The following PPFIA4 variants were observed in gnomAD, a reference collection of about 807,000 sequenced individuals.
The protein encoded by PPFIA4 is PPFI scaffold protein A4, also known as liprin-alpha-4.
PPFIA4 carries 98 observed loss-of-function variants against 145.7 expected under a neutral mutation model. The observed-to-expected ratio is 0.67, with a 90% CI of 0.57 to 0.80. The LOEUF (loss-of-function observed/expected upper bound fraction) is 0.80. PPFIA4 is among the 30% of genes least tolerant of loss of function. The pLI, the probability that PPFIA4 is intolerant of heterozygous loss-of-function variation, is 0.00. For synonymous variants in PPFIA4, 628 were observed against 649.6 expected (o/e 0.97, Z 0.51); for missense variants, 1,457 against 1,632.7 (o/e 0.89, Z 1.85).
intron 2 of PPFIA4, among the ~76,000 whole-genome samples, chr1:203,041,824 G>A (rs1334126979): frequency 1.3e-5 from 2 of 152,220 alleles, no homozygotes; most frequent in African/African-American, 2.4e-5. Flanking sequence ...ACATGACTGT[G>A]TGTGCCTGTG....
intron 19 of PPFIA4, among the ~76,000 whole-genome samples, chr1:203,058,505 C>G (rs1661131926): frequency 6.6e-6 from 1 of 152,182 alleles, no homozygotes; most frequent in Admixed American, 6.5e-5. Context: ...TTTCGATGCT[C>G]TCCACACACG....
intron 1 of PPFIA4, among the ~76,000 whole-genome samples, chr1:203,028,604 G>A (rs1658592918): frequency 6.6e-6 from 1 of 152,112 alleles, no homozygotes; most frequent in Non-Finnish European, 1.5e-5. Flanking sequence ...TAGGTGAGTT[G>A]CTGTAGAAAC....
chr1:203,071,625 A>C (rs778289830), intron 27 of PPFIA4, 67 bp from the exon 28 acceptor site: 1 of 1,291,178 alleles, frequency 7.7e-7, no homozygotes, highest in Non-Finnish European at 1.1e-6. Context: ...AAAATGGTGA[A>C]AGATGGCATA....
intron 17 of PPFIA4, 81 bp downstream of exon 17, chr1:203,056,236 C>T (rs1346018854): frequency 6.2e-7 from 1 of 1,606,716 alleles, no homozygotes; most frequent in Non-Finnish European, 8.5e-7. Context: ...CCCCAGGGCC[C>T]TTGAGTCTGA....
chr1:203,038,993 C>G lies in PPFIA4; in HGVS notation c.-16C>G. 1.4e-6 allele frequency: 2 copies of G among 1,412,146 alleles called. No homozygotes were observed. The highest frequency in any genetic ancestry group is 1.9e-6 in the Non-Finnish European group (2 of 1,041,698). 87.5% of individuals were successfully genotyped at this position (1,412,146 alleles called of 1,614,324 possible). On this transcript the variant is annotated 5_prime_UTR_variant, in exon 2 of 30. Coordinates refer to ENST00000295706, the MANE Select transcript of PPFIA4 (RefSeq NM_001304331.2). ...CCCTGTCCCCTGACGCTGAGAAGGC[C>G]CTGCCAACCCCCACCATGTGTGAGG...
rs3737880 is a variant in PPFIA4 at position 203,077,547 on chromosome 1, G to C, written c.*1157G>C. ...ATGTCCCAGGTCCAGGAAATCCAAT[G>C]TTGGTGAAGGCAGCCACTCTCTTGC... On this transcript the variant is annotated 3_prime_UTR_variant, in exon 30 of 30. Coordinates refer to ENST00000295706, the MANE Select transcript of PPFIA4 (RefSeq NM_001304331.2). 0.13 allele frequency: 19,997 copies of C among 152,160 alleles called. 1,689 individuals are homozygous for C. The highest frequency in any genetic ancestry group is 0.26 in the Middle Eastern group (76 of 294). The allele number at this position is 152,160 out of a possible 1,614,324, so 9.4% of individuals were successfully genotyped here.
chr1:203,058,768 G>C (rs1661153162), intron 19 of PPFIA4, among the ~76,000 whole-genome samples: 1 of 152,196 alleles, frequency 6.6e-6, no homozygotes, highest in Non-Finnish European at 1.5e-5. Context: ...ACAGCTCTCA[G>C]TGTGTGGATT....
intron 15 of PPFIA4, among the ~76,000 whole-genome samples, chr1:203,054,671 GACACACACACACACAC>G (rs57027876): frequency 6.7e-6 from 1 of 148,308 alleles, no homozygotes; most frequent in African/African-American, 2.5e-5. Context: ...TTACAAAGAA[GACACACACACACACAC>G]ACACACACAC....
chr1:203,049,792 A>G (rs775439258), intron 13 of PPFIA4, 25 bp downstream of exon 13: 11 of 1,516,078 alleles, frequency 7.3e-6, no homozygotes, highest in South Asian at 5.2e-5. Context: ...GAGGCTGGGC[A>G]TGCCAGGACG....
At chr1:203,032,886 A>G (rs1315828994) in intron 1 of PPFIA4, among the ~76,000 whole-genome samples, 3 of 152,072 alleles carry the variant, frequency 2.0e-5, no homozygotes, top group African/African-American at 4.8e-5. Flanking sequence ...CAAGAGGATC[A>G]TGGTTTAGAC....
At position 203,060,179 on chromosome 1, in the gene PPFIA4, C is replaced by T; in HGVS notation, c.2584-38C>T. 6.2e-7 allele frequency: 1 copy of T among 1,604,488 alleles called. No homozygotes were observed. Among genetic ancestry groups the T allele is most frequent in the Non-Finnish European group, 8.5e-7 (1 of 1,174,902 alleles). ...TTGCCAAACTCTTGGTGGTAGGGCCCAGGCCTTGAATTACCTCCCTGTGCC... is the reference window on the plus strand; with the variant it reads ...TTGCCAAACTCTTGGTGGTAGGGCCTAGGCCTTGAATTACCTCCCTGTGCC... On this transcript the variant is annotated intron_variant, in intron 21 of 29. Coordinates refer to ENST00000295706, the MANE Select transcript of PPFIA4 (RefSeq NM_001304331.2). This position sits in a 1 kb window ranked among gnomAD's most constrained non-coding sequence, Gnocchi z 4.8.
At chr1:203,053,176 C>G (rs1397760343) in intron 14 of PPFIA4, among the ~76,000 whole-genome samples, 1 of 152,230 alleles carries the variant, frequency 6.6e-6, no homozygotes, top group Non-Finnish European at 1.5e-5. Context: ...AAAGCCGTCT[C>G]TCTCTGGATT....
chr1:203,072,645 GT>G (rs768591514), intron 28 of PPFIA4, among the ~76,000 whole-genome samples: 7 of 152,296 alleles, frequency 4.6e-5, no homozygotes, highest in Non-Finnish European at 1.0e-4. Context: ...CCCAGAGTGT[GT>G]GTGTTTTTCG....
At chr1:203,054,711 C>CAG (rs368481154) in intron 15 of PPFIA4, among the ~76,000 whole-genome samples, 17 of 151,246 alleles carry the variant, frequency 1.1e-4, no homozygotes, top group Admixed American at 3.9e-4. Context: ...CATACACACA[C>CAG]AGAGAGAGAG....
intron 23 of PPFIA4, 187 bp downstream of exon 23, chr1:203,061,219 G>C (rs1311337085): frequency 1.6e-6 from 1 of 627,212 alleles, no homozygotes; most frequent in African/African-American, 1.8e-5. Flanking sequence ...TGGGAGCGGA[G>C]CAGTTTGTAT....
chr1:203,045,430 C>T lies in PPFIA4; in HGVS notation c.729C>T (p.Ser243=). ...ELLEKQNFEL[S]QARERLVTLT... is the part of the protein sequence containing the mutation. Reference sequence around the variant, plus strand: ...TGGAGAAGCAGAACTTTGAGTTGAGCCAGGCCCGGGAGCGACTGGTCACCC... The same window carrying T: ...TGGAGAAGCAGAACTTTGAGTTGAGTCAGGCCCGGGAGCGACTGGTCACCC... Residue 243 remains serine (S), a synonymous_variant, in exon 7 of 30, where the codon AGC becomes AGT. Coordinates refer to ENST00000295706, the MANE Select transcript of PPFIA4 (RefSeq NM_001304331.2). The T allele has an allele frequency of 6.2e-7, 1 of 1,609,162 alleles. No homozygotes were observed. Among genetic ancestry groups the T allele is most frequent in the Non-Finnish European group, 8.5e-7 (1 of 1,178,468 alleles).
Position 203,043,423 on chromosome 1 carries a change from G to C in PPFIA4, c.261G>C (p.Leu87=). 6.2e-7 allele frequency: 1 copy of C among 1,611,494 alleles called. No homozygotes were observed. The highest frequency in any genetic ancestry group is 8.5e-7 in the Non-Finnish European group (1 of 1,179,290). ...PQEFATLTRE[L]SMCREQLLER... Reference sequence around the variant, plus strand: ...AATTTGCCACCTTAACCCGGGAGCTGAGCATGTGTCGGGAGCAGCTTCTAG... The same window carrying C: ...AATTTGCCACCTTAACCCGGGAGCTCAGCATGTGTCGGGAGCAGCTTCTAG... The change falls in exon 3 of 30, where the codon CTG becomes CTC. Residue 87 remains leucine, a synonymous_variant. Transcript: ENST00000295706. This position sits in a 1 kb window ranked among gnomAD's most constrained non-coding sequence, Gnocchi z 4.4.
chr1:203,060,153 G>A lies in PPFIA4; in HGVS notation c.2584-64G>A. The stretch of plus-strand genomic sequence containing the variant: ...TGAGGCCTGGCCCTTGCCCCTTGCT[G>A]TTGCCAAACTCTTGGTGGTAGGGCC... On this transcript the variant is annotated intron_variant, in intron 21 of 29. Coordinates refer to ENST00000295706, the MANE Select transcript of PPFIA4 (RefSeq NM_001304331.2). The surrounding 1 kb of genome is among the most constrained non-coding windows in gnomAD (Gnocchi z 4.8). The A allele has an allele frequency of 6.5e-7, 1 of 1,548,206 alleles. No homozygotes were observed. The highest frequency in any genetic ancestry group is 8.8e-7 in the Non-Finnish European group (1 of 1,133,628).
Position 203,049,671 on chromosome 1 carries a change from C to G in PPFIA4, c.1420-5C>G. On this transcript the variant is annotated splice_region_variant and splice_polypyrimidine_tract_variant and intron_variant, in intron 12 of 29. Coordinates refer to ENST00000295706, the MANE Select transcript of PPFIA4 (RefSeq NM_001304331.2). ...CCCGCCCCCACCCCGGGTCTGCTGG[C>G]ACAGGGCCGCCTGTCTGAAGAGATT... The G allele has an allele frequency of 1.3e-6, 2 of 1,507,024 alleles. No individual in the cohort carries two copies. The highest frequency in any genetic ancestry group is 8.9e-7 in the Non-Finnish European group (1 of 1,124,068). The allele number at this position is 1,507,024 out of a possible 1,614,324, so 93.4% of individuals were successfully genotyped here. A position where few individuals can be genotyped will look rare whatever the true frequency, so the allele number is the denominator to read the frequency against.
Sources: gnomAD v4.1 joint callset for allele counts (sites outside exome capture counted in the v4.1 genomes callset) on GRCh38, gnomAD v4.1.1 for gene constraint, Gnocchi (gnomAD v3.1) non-coding constraint, MANE v1.5 for transcripts, NCBI Gene and HGNC (gene_info 2026-07-23, HGNC 2026-07-21) for gene names.